The following FNBP1 variants were observed in gnomAD, a reference collection of about 807,000 sequenced individuals.
The protein encoded by FNBP1 is formin binding protein 1, also known as formin-binding protein 1.
A neutral mutation model predicts 90.6 loss-of-function variants in FNBP1; 26 were observed. The observed-to-expected ratio is 0.29, with a 90% CI of 0.21 to 0.40. The LOEUF (loss-of-function observed/expected upper bound fraction) is 0.40, where lower values mean the gene tolerates loss of function less well. FNBP1 is among the 10% of genes least tolerant of loss of function. The pLI is 1.00. For missense variants in FNBP1, 635 were observed against 768.0 expected (o/e 0.83, Z 2.05); for synonymous variants, 260 against 265.2 (o/e 0.98, Z 0.19).
intron 1 of FNBP1, among the ~76,000 whole-genome samples, chr9:130,000,336 CAA>C (rs1439754841): frequency 2.0e-5 from 3 of 151,846 alleles, no homozygotes; most frequent in Non-Finnish European, 4.4e-5. Flanking sequence ...ACTAAAAATA[CAA>C]AAATTAGCTG....
chr9:129,957,463 C>A lies in FNBP1; in HGVS notation c.410G>T (p.Ser137Ile). ...GCAATCGCGTTCAAATCGCCTTTTA[C>A]TCTAAAATCAGAGGAAAATAATTAT... ...IETCWKQLES[S>I]KRRFERDCKE... Residue 137 changes from serine (S) to isoleucine (I), a missense_variant and splice_region_variant, in exon 6 of 17, where the codon AGT becomes ATT. Coordinates refer to ENST00000446176, the MANE Select transcript of FNBP1 (RefSeq NM_015033.3). The surrounding 1 kb of genome is among the most constrained non-coding windows in gnomAD (Gnocchi z 4.3). 6.2e-7 allele frequency: 1 copy of A among 1,610,022 alleles called. No individual in the cohort carries two copies.
chr9:129,940,656 T>C (rs979576009), intron 6 of FNBP1, among the ~76,000 whole-genome samples: 4 of 151,968 alleles, frequency 2.6e-5, no homozygotes, highest in African/African-American at 9.7e-5. Context: ...AGATGGAGTC[T>C]CACTCTGTCA....
intron 2 of FNBP1, among the ~76,000 whole-genome samples, chr9:129,984,339 G>A (rs941147412): frequency 6.6e-6 from 1 of 152,200 alleles, no homozygotes; most frequent in Non-Finnish European, 1.5e-5. Flanking sequence ...TGATGACCAA[G>A]AAGAGCAACA....
intron 11 of FNBP1, among the ~76,000 whole-genome samples, chr9:129,914,683 C>A (rs1432887486): frequency 6.7e-6 from 1 of 148,440 alleles, no homozygotes; most frequent in Non-Finnish European, 1.5e-5. Context: ...ATAAAATACT[C>A]TTTTTCTTTA....
At chr9:130,052,653 C>T in the FNBP1 span, among the ~76,000 whole-genome samples, 1 of 151,864 alleles carries the variant, frequency 6.6e-6, no homozygotes, top group Admixed American at 6.6e-5. Flanking sequence ...AGGCTGGTCC[C>T]GAACAACTGA....
intron 13 of FNBP1, among the ~76,000 whole-genome samples, chr9:129,902,545 G>A (rs1055871273): frequency 5.9e-5 from 9 of 152,068 alleles, no homozygotes; most frequent in Admixed American, 5.9e-4. Flanking sequence ...TGAGCTACAA[G>A]CATGCCACTG....
intron 10 of FNBP1, among the ~76,000 whole-genome samples, chr9:129,921,981 A>G (rs1728849390): frequency 6.6e-6 from 1 of 152,138 alleles, no homozygotes; most frequent in Admixed American, 6.6e-5. Context: ...AGAGTCCAGG[A>G]GAAGGGAAAA....
intron 9 of FNBP1, among the ~76,000 whole-genome samples, chr9:129,924,654 C>T (rs2041610544): frequency 6.6e-6 from 1 of 152,186 alleles, no homozygotes; most frequent in Non-Finnish European, 1.5e-5. Flanking sequence ...CATCCTCTCT[C>T]CCAGCCAAGG....
chr9:129,902,339 T>C (rs2037117024), intron 13 of FNBP1, among the ~76,000 whole-genome samples: 1 of 152,172 alleles, frequency 6.6e-6, no homozygotes, highest in Non-Finnish European at 1.5e-5. Flanking sequence ...GGCTCACAGC[T>C]GTAATCCCAG....
intron 11 of FNBP1, chr9:129,910,084 A>G (rs1235891256): frequency 4.4e-6 from 2 of 455,764 alleles, no homozygotes; most frequent in Non-Finnish European, 8.8e-6. Context: ...TTAAGGAGAA[A>G]GTATCAACAG....
intron 6 of FNBP1, among the ~76,000 whole-genome samples, chr9:129,948,336 C>CA (rs1283327222): frequency 1.4e-5 from 2 of 139,288 alleles, no homozygotes; most frequent in African/African-American, 5.4e-5. Context: ...ATTGCTCATA[C>CA]AAAACACCTA....
intron 4 of FNBP1, among the ~76,000 whole-genome samples, chr9:129,972,214 A>T (rs1179391997): frequency 2.0e-5 from 3 of 152,006 alleles, no homozygotes; most frequent in African/African-American, 7.3e-5. Flanking sequence ...GCTCACTGCA[A>T]CCTCTGCCTC....
At chr9:130,044,161 C>A (rs1408571462), upstream of FNBP1, among the ~76,000 whole-genome samples, 12 of 152,344 alleles carry the variant, frequency 7.9e-5, no homozygotes, top group East Asian at 2.3e-3. Context: ...ATCACTAGCC[C>A]TTTCCCCACA....
rs560024557 is a variant in FNBP1 at position 129,989,870 on chromosome 9, T to C, written c.140+4973A>G. ...ATGGGCAACATGGTGAAATTCTGTC[T>C]CTGCAAAAGATACAAAAATTAGCCG... On this transcript the variant is annotated intron_variant, in intron 2 of 16. Transcript: ENST00000446176. Among the ~76,000 whole-genome samples the C allele has an allele frequency of 1.1e-4, 17 of 152,282 alleles. 1 individual carries two copies. Among genetic ancestry groups the C allele is most frequent in the African/African-American group, 4.1e-4 (17 of 41,558 alleles).
chr9:129,943,849 C>T (rs1254618783), intron 6 of FNBP1, among the ~76,000 whole-genome samples: 1 of 151,406 alleles, frequency 6.6e-6, no homozygotes, highest in African/African-American at 2.4e-5. Context: ...AAAAATTAGC[C>T]GGGCGTGGTA....
intron 1 of FNBP1, among the ~76,000 whole-genome samples, chr9:129,996,055 G>A (rs2053947654): frequency 6.6e-6 from 1 of 152,090 alleles, no homozygotes; most frequent in African/African-American, 2.4e-5. Context: ...GGGGGAGGGA[G>A]GATTCCAGAG....
chr9:129,929,865 C>CTAG (rs2042466901), intron 6 of FNBP1, among the ~76,000 whole-genome samples, 170 bp from the exon 7 acceptor site: 5 of 152,134 alleles, frequency 3.3e-5, no homozygotes, highest in Admixed American at 3.3e-4. Flanking sequence ...TTTAGGTAAG[C>CTAG]AATGTGCATC....
At chr9:129,967,308 G>A (rs926454140) in intron 4 of FNBP1, among the ~76,000 whole-genome samples, 3 of 152,170 alleles carry the variant, frequency 2.0e-5, no homozygotes, top group Non-Finnish European at 4.4e-5. Context: ...CTGAGGACAG[G>A]ACTCCGGGAT....
Position 129,888,655 on chromosome 9 carries a change from A to G in FNBP1, c.*1884T>C, listed in dbSNP as rs1360551584. On this transcript the variant is annotated 3_prime_UTR_variant, in exon 17 of 17. Transcript: ENST00000446176. ...AGAGAGGCTCACGCTCACCTACTTTAAAAACCCAAAGCCACTTCCTCTTCA... is the reference window on the plus strand; with the variant it reads ...AGAGAGGCTCACGCTCACCTACTTTGAAAACCCAAAGCCACTTCCTCTTCA... 6 of 232,850 alleles carry G rather than the reference A, an allele frequency of 2.6e-5. No individual in the cohort carries two copies. In the Middle Eastern group the frequency reaches 3.7e-3, roughly 145 times the overall value. 14.4% of individuals were successfully genotyped at this position (232,850 alleles called of 1,614,324 possible).
Sources: allele counts gnomAD v4.1 joint callset (sites outside exome capture counted in the v4.1 genomes callset), GRCh38; gene constraint gnomAD v4.1.1; non-coding constraint Gnocchi (gnomAD v3.1); transcripts MANE v1.5; gene names NCBI Gene and HGNC (gene_info 2026-07-23, HGNC 2026-07-21).